Variants in TNR observed in about 807,000 individuals in gnomAD.
The protein encoded by TNR is tenascin-R.
Under a neutral mutation model 150.4 loss-of-function variants are expected in TNR, and 45 were observed. That is an observed-to-expected ratio of 0.30 (90% CI 0.24 to 0.38). The LOEUF (loss-of-function observed/expected upper bound fraction) is 0.38. Among genes scored for constraint, TNR ranks in the 10% least tolerant of loss-of-function variants. The pLI is 1.00. For missense variants in TNR, 1,544 were observed against 1,759.1 expected (o/e 0.88, Z 2.19); for synonymous variants, 687 against 678.4 (o/e 1.01, Z -0.20).
chr1:175,383,758 T>C (rs1652796575), intron 8 of TNR, among the ~76,000 whole-genome samples: 1 of 152,176 alleles, frequency 6.6e-6, no homozygotes, highest in Admixed American at 6.5e-5. Flanking sequence ...AGGGTCTGGG[T>C]ACCCTCTCAT....
intron 1 of TNR, among the ~76,000 whole-genome samples, chr1:175,547,621 CAAAG>C (rs1426823090): frequency 4.5e-3 from 47 of 10,552 alleles, no homozygotes; most frequent in African/African-American, 6.0e-3. Context: ...AACAAAGAAA[CAAAG>C]AAAGAAAGAA....
chr1:175,332,470 C>T (rs1264822179), intron 20 of TNR, among the ~76,000 whole-genome samples: 1 of 152,192 alleles, frequency 6.6e-6, no homozygotes, highest in African/African-American at 2.4e-5. Context: ...CCATATAGTA[C>T]ATAAACTATG....
chr1:175,728,958 G>C (rs749660478), intron 1 of TNR, among the ~76,000 whole-genome samples: 4 of 152,164 alleles, frequency 2.6e-5, no homozygotes, highest in Admixed American at 2.6e-4. Flanking sequence ...TGAAGCCGGG[G>C]TCTGAAGTCA....
intron 1 of TNR, among the ~76,000 whole-genome samples, chr1:175,544,895 G>A (rs1411881599): frequency 1.3e-5 from 2 of 152,160 alleles, no homozygotes; most frequent in Admixed American, 6.5e-5. Context: ...TAGAATGTGA[G>A]CAAAGGTGAT....
chr1:175,581,473 C>T (rs564986624), intron 1 of TNR, among the ~76,000 whole-genome samples: 2 of 152,312 alleles, frequency 1.3e-5, no homozygotes, highest in Non-Finnish European at 2.9e-5. Flanking sequence ...AGCATTTGCA[C>T]TTGTCCACCT....
At chr1:175,622,200 T>C (rs1013195999) in intron 1 of TNR, among the ~76,000 whole-genome samples, 1 of 152,238 alleles carries the variant, frequency 6.6e-6, no homozygotes, top group Non-Finnish European at 1.5e-5. Context: ...TCTTGGAGAC[T>C]CTGAATCTGG....
intron 1 of TNR, among the ~76,000 whole-genome samples, chr1:175,700,188 A>G: frequency 6.7e-6 from 1 of 149,180 alleles, no homozygotes; most frequent in African/African-American, 2.5e-5. Context: ...CTAGCTTAAG[A>G]TAACTGTCAG....
intron 15 of TNR, among the ~76,000 whole-genome samples, chr1:175,358,921 C>G (rs182785264): frequency 6.6e-6 from 1 of 152,286 alleles, no homozygotes; most frequent in African/African-American, 2.4e-5. Flanking sequence ...GGTCCTATAT[C>G]TTCAGTGTTT....
At chr1:175,434,048 G>T (rs1416683678) in intron 2 of TNR, among the ~76,000 whole-genome samples, 1 of 152,272 alleles carries the variant, frequency 6.6e-6, no homozygotes, top group Admixed American at 6.5e-5. Context: ...TCTGTCTTCT[G>T]TTAAATTTTC....
intron 2 of TNR, among the ~76,000 whole-genome samples, chr1:175,422,541 G>A (rs1481899482): frequency 1.3e-5 from 2 of 152,226 alleles, no homozygotes; most frequent in Non-Finnish European, 2.9e-5. Flanking sequence ...GGGTGGCCCC[G>A]AGAGGGCTGG....
At chr1:175,474,875 G>A (rs970539156) in intron 2 of TNR, among the ~76,000 whole-genome samples, 6 of 152,190 alleles carry the variant, frequency 3.9e-5, no homozygotes, top group African/African-American at 1.4e-4. Flanking sequence ...ACAGACACTG[G>A]AACCTATGCT....
chr1:175,428,197 G>A (rs565726730), intron 2 of TNR, among the ~76,000 whole-genome samples: 1 of 152,192 alleles, frequency 6.6e-6, no homozygotes, highest in South Asian at 2.1e-4. Context: ...GAATTTTTAG[G>A]GAAGCTTTTC....
intron 1 of TNR, among the ~76,000 whole-genome samples, chr1:175,653,468 G>T (rs900877683): frequency 3.9e-5 from 6 of 152,118 alleles, no homozygotes; most frequent in African/African-American, 1.4e-4. Flanking sequence ...AACAAAAACA[G>T]CAGGTGTCCA....
At position 175,323,172 on chromosome 1, in the gene TNR, T is replaced by G. The variant is rs2101977159; in HGVS notation, c.*185A>C. 2 of 668,062 alleles carry G rather than the reference T, an allele frequency of 3.0e-6. No individual in the cohort carries two copies. Among genetic ancestry groups the G allele is most frequent in the South Asian group, 5.0e-5 (2 of 40,164 alleles). 41.4% of individuals were successfully genotyped at this position (668,062 alleles called of 1,614,324 possible). A position where few individuals can be genotyped will look rare whatever the true frequency, so the allele number is the denominator to read the frequency against. ...TAGGAGGGAGAATGGAGACTGAGGGTCAGGCTCCAGGGCAGCAGAAACCAA... is the reference window on the plus strand; with the variant it reads ...TAGGAGGGAGAATGGAGACTGAGGGGCAGGCTCCAGGGCAGCAGAAACCAA... On this transcript the variant is annotated 3_prime_UTR_variant, in exon 23 of 23. Coordinates refer to ENST00000367674, the MANE Select transcript of TNR (RefSeq NM_003285.3).
chr1:175,354,583 A>G (rs1651229389), intron 17 of TNR, 60 bp from the exon 18 acceptor site: 2 of 1,610,102 alleles, frequency 1.2e-6, no homozygotes, highest in Non-Finnish European at 1.7e-6. Context: ...AATTTGGGAA[A>G]GTAGGGAAGG....
chr1:175,437,641 A>G (rs1473840861), intron 2 of TNR, among the ~76,000 whole-genome samples: 1 of 152,212 alleles, frequency 6.6e-6, no homozygotes, highest in Non-Finnish European at 1.5e-5. Flanking sequence ...CAAGACTAAT[A>G]AAGAAGAAAA....
chr1:175,421,774 A>G (rs796079956), intron 2 of TNR, among the ~76,000 whole-genome samples: 1 of 152,348 alleles, frequency 6.6e-6, no homozygotes, highest in South Asian at 2.1e-4. Flanking sequence ...GCATTTGATT[A>G]GGAAGGGAAC....
chr1:175,553,470 A>G (rs1661022442), intron 1 of TNR, among the ~76,000 whole-genome samples: 1 of 152,072 alleles, frequency 6.6e-6, no homozygotes, highest in African/African-American at 2.4e-5. Flanking sequence ...GGGCCCTAAA[A>G]CCACTTCACA....
At chr1:175,398,914 A>G (rs1039756660) in intron 4 of TNR, among the ~76,000 whole-genome samples, 2 of 152,248 alleles carry the variant, frequency 1.3e-5, no homozygotes, top group African/African-American at 2.4e-5. Context: ...AGCTTTACCA[A>G]TGAGGAAACT....
Sources: gnomAD v4.1 joint callset for allele counts (sites outside exome capture counted in the v4.1 genomes callset) on GRCh38, gnomAD v4.1.1 for gene constraint, MANE v1.5 for transcripts, NCBI Gene and HGNC (gene_info 2026-07-23, HGNC 2026-07-21) for gene names.